The following CDH4 variants were observed in gnomAD, a reference collection of about 807,000 sequenced individuals.
CDH4 encodes cadherin-4.
A neutral mutation model predicts 86.0 loss-of-function variants in CDH4; 33 were observed. The ratio of observed to expected loss-of-function variants is 0.38; its 90% confidence interval spans 0.29 to 0.51. The LOEUF (loss-of-function observed/expected upper bound fraction) is 0.51, where lower values mean the gene tolerates loss of function less well. Among genes scored for constraint, CDH4 ranks in the 20% least tolerant of loss-of-function variants. The probability of loss-of-function intolerance (pLI) is 0.86; values close to 1 mark genes in which losing one functional copy is unlikely to be tolerated. For missense variants in CDH4, 1,114 were observed against 1,307.4 expected (o/e 0.85, Z 2.28); for synonymous variants, 555 against 549.4 (o/e 1.01, Z -0.14).
At chr20:61,537,876 G>A (rs536813222) in intron 2 of CDH4, among the ~76,000 whole-genome samples, 2 of 152,320 alleles carry the variant, frequency 1.3e-5, no homozygotes, top group South Asian at 2.1e-4. Context: ...GAAAGGGGCC[G>A]AGCGAGTCGG....
At chr20:61,911,951 G>A (rs1337354587) in intron 9 of CDH4, among the ~76,000 whole-genome samples, 2 of 152,216 alleles carry the variant, frequency 1.3e-5, no homozygotes, top group South Asian at 4.1e-4. Flanking sequence ...ATTCTCTCAC[G>A]TGAGAGGAGT....
chr20:61,542,515 G>A (rs2086047815), intron 2 of CDH4, among the ~76,000 whole-genome samples: 1 of 152,194 alleles, frequency 6.6e-6, no homozygotes, highest in Admixed American at 6.5e-5. Flanking sequence ...TCTCAGTTAT[G>A]AGGCTTTGAA....
At chr20:61,380,385 C>T (rs1379777931) in intron 2 of CDH4, among the ~76,000 whole-genome samples, 2 of 152,262 alleles carry the variant, frequency 1.3e-5, no homozygotes, top group East Asian at 3.9e-4. Flanking sequence ...CAGTTCTGGG[C>T]CATGGCCTGA....
chr20:61,563,329 C>G (rs1291286872), intron 2 of CDH4, among the ~76,000 whole-genome samples: 1 of 152,226 alleles, frequency 6.6e-6, no homozygotes, highest in South Asian at 2.1e-4. Flanking sequence ...CTTGAAACGC[C>G]TTGGGAAGAA....
At chr20:61,431,016 C>T (rs918842513) in intron 2 of CDH4, among the ~76,000 whole-genome samples, 1 of 152,220 alleles carries the variant, frequency 6.6e-6, no homozygotes, top group African/African-American at 2.4e-5. Flanking sequence ...CACATGCTGC[C>T]ATCAGCCTCG....
chr20:61,723,753 C>T (rs1017235878), intron 2 of CDH4, among the ~76,000 whole-genome samples: 3 of 152,214 alleles, frequency 2.0e-5, no homozygotes, highest in African/African-American at 4.8e-5. Context: ...AGTTGGCAGC[C>T]AACCAGAGTG....
chr20:61,493,159 TTGAC>T (rs1233535596), intron 2 of CDH4, among the ~76,000 whole-genome samples: 2 of 152,244 alleles, frequency 1.3e-5, no homozygotes, highest in African/African-American at 4.8e-5. Flanking sequence ...TTTCTATCTC[TTGAC>T]TGTTTTCCAG....
At chr20:61,372,214 A>T (rs1407415482) in intron 2 of CDH4, among the ~76,000 whole-genome samples, 1 of 152,162 alleles carries the variant, frequency 6.6e-6, no homozygotes, top group Non-Finnish European at 1.5e-5. Flanking sequence ...CTGATGGCCC[A>T]GCCGTTGTCT....
At chr20:61,502,459 G>A (rs1234771955) in intron 2 of CDH4, among the ~76,000 whole-genome samples, 1 of 152,180 alleles carries the variant, frequency 6.6e-6, no homozygotes, top group East Asian at 1.9e-4. Flanking sequence ...TTCAAGAAGT[G>A]TTTTGGGTTA....
At chr20:61,559,782 G>C (rs2086203208) in intron 2 of CDH4, among the ~76,000 whole-genome samples, 1 of 152,020 alleles carries the variant, frequency 6.6e-6, no homozygotes, top group East Asian at 1.9e-4. Flanking sequence ...GCCTCCCAAA[G>C]TGCTGGGATT....
chr20:61,672,348 A>T (rs2087399742), intron 2 of CDH4, among the ~76,000 whole-genome samples: 1 of 152,248 alleles, frequency 6.6e-6, no homozygotes, highest in South Asian at 2.1e-4. Context: ...GGTGCTCTGT[A>T]CGTGGTAGGA....
intron 2 of CDH4, among the ~76,000 whole-genome samples, chr20:61,704,385 G>A (rs2087808123): frequency 6.6e-6 from 1 of 152,194 alleles, no homozygotes; most frequent in Non-Finnish European, 1.5e-5. Flanking sequence ...GGAGGCCCCA[G>A]GTCAGGCAGC....
At position 61,549,030 on chromosome 20, in the gene CDH4, G is replaced by C. The variant is rs143350621; in HGVS notation, c.170-194533G>C. Among the ~76,000 whole-genome samples, 54 of 152,224 alleles carry C rather than the reference G, an allele frequency of 3.5e-4. 1 individual carries two copies. Among genetic ancestry groups the C allele is most frequent in the African/African-American group, 1.3e-3 (52 of 41,524 alleles). ...CCGCCTTTGGGACGGAGGGAATGGG[G>C]CTCCACGGGGGCAGGCAGATGTTAT... On this transcript the variant is annotated intron_variant, in intron 2 of 15. Coordinates refer to ENST00000614565, the MANE Select transcript of CDH4 (RefSeq NM_001794.5).
intron 3 of CDH4, among the ~76,000 whole-genome samples, chr20:61,771,230 G>A (rs1301148045): frequency 6.6e-6 from 1 of 151,414 alleles, no homozygotes; most frequent in Middle Eastern, 3.4e-3. Context: ...GGCTGGTCTC[G>A]AACTCCTGAC....
chr20:61,601,098 G>T (rs1457232819), intron 2 of CDH4, among the ~76,000 whole-genome samples: 1 of 152,200 alleles, frequency 6.6e-6, no homozygotes, highest in Non-Finnish European at 1.5e-5. Flanking sequence ...TTGACTCATG[G>T]TCCTGCTGTA....
At chr20:61,277,540 G>A (rs886950033) in intron 2 of CDH4, among the ~76,000 whole-genome samples, 1 of 152,136 alleles carries the variant, frequency 6.6e-6, no homozygotes, top group Non-Finnish European at 1.5e-5. Context: ...TCGTGGAGGG[G>A]GTGGCAGTGG....
chr20:61,761,604 G>A (rs2088633249), intron 3 of CDH4, among the ~76,000 whole-genome samples: 1 of 152,210 alleles, frequency 6.6e-6, no homozygotes, highest in Non-Finnish European at 1.5e-5. Flanking sequence ...TGCCACAGGA[G>A]AAGCTGCCAA....
At chr20:61,863,416 T>C in intron 6 of CDH4, among the ~76,000 whole-genome samples, 1 of 152,120 alleles carries the variant, frequency 6.6e-6, no homozygotes, top group East Asian at 1.9e-4. Flanking sequence ...CTTCTCATTC[T>C]CAAAGCCCAC....
At chr20:61,632,403 C>T (rs938066479) in intron 2 of CDH4, among the ~76,000 whole-genome samples, 2 of 152,182 alleles carry the variant, frequency 1.3e-5, no homozygotes, top group African/African-American at 4.8e-5. Flanking sequence ...CCGATCCTTC[C>T]AACTCACCAC....
Sources: gnomAD v4.1 joint callset for allele counts (sites outside exome capture counted in the v4.1 genomes callset) on GRCh38, gnomAD v4.1.1 for gene constraint, MANE v1.5 for transcripts, NCBI Gene and HGNC (gene_info 2026-07-23, HGNC 2026-07-21) for gene names.